SPIN1: variants seen among roughly 807,000 people sequenced by gnomAD.
The protein encoded by SPIN1 is spindlin-1.
SPIN1 carries 3 observed loss-of-function variants against 26.0 expected under a neutral mutation model. The ratio of observed to expected loss-of-function variants is 0.12; its 90% CI spans 0.05 to 0.30. The LOEUF (loss-of-function observed/expected upper bound fraction) is 0.30. Ranked by LOEUF, SPIN1 falls within the 10% of genes least tolerant of loss-of-function variation. The pLI is 1.00. For synonymous variants in SPIN1, 101 were observed against 116.5 expected (o/e 0.87, Z 0.86); for missense variants, 126 against 333.4 (o/e 0.38, Z 4.84).
At chr9:88,474,946 T>C in intron 5 of SPIN1, 132 bp from the exon 6 acceptor site, 1 of 856,242 alleles carries the variant, frequency 1.2e-6, no homozygotes, top group East Asian at 2.8e-5. Context: ...CTGGTCTAGA[T>C]AATCATGAAT....
At chr9:88,418,999 T>C (rs540451076) in intron 1 of SPIN1, 3 of 152,318 alleles carry the variant, frequency 2.0e-5, no homozygotes, top group East Asian at 1.9e-4. Context: ...TGCAATAGAA[T>C]GAGAATTTTG....
chr9:88,393,758 T>C (rs1243752827), intron 1 of SPIN1, among the ~76,000 whole-genome samples: 1 of 151,904 alleles, frequency 6.6e-6, no homozygotes, highest in East Asian at 1.9e-4. Context: ...CCAGAGCTGA[T>C]TTTTTTTGGA....
intron 2 of SPIN1, among the ~76,000 whole-genome samples, chr9:88,438,216 A>G (rs1828046709): frequency 6.6e-6 from 1 of 152,010 alleles, no homozygotes; most frequent in Non-Finnish European, 1.5e-5. Flanking sequence ...TTTCTCTGTA[A>G]GCACTGCTTT....
chr9:88,421,968 A>G (rs1366372386), intron 1 of SPIN1, among the ~76,000 whole-genome samples: 1 of 152,162 alleles, frequency 6.6e-6, no homozygotes. Context: ...GTCATATCAC[A>G]TTAAGAAGTG....
chr9:88,392,755 T>C lies in SPIN1; in HGVS notation c.-159+4217T>C, dbSNP rs374348758. 4.6e-5 allele frequency among the ~76,000 whole-genome samples: 7 copies of C among 152,248 alleles called. No homozygotes were observed. In the East Asian group the frequency reaches 5.8e-4, roughly 13 times the overall value. On this transcript the variant is annotated intron_variant, in intron 1 of 5. Coordinates refer to ENST00000375859, the MANE Select transcript of SPIN1 (RefSeq NM_006717.3). ...CTACCTCATCAGGGGTGAGCTTAAATGAAGTAAAATGTTTCATAGGCTCCT... is the reference window on the plus strand; with the variant it reads ...CTACCTCATCAGGGGTGAGCTTAAACGAAGTAAAATGTTTCATAGGCTCCT...
intron 5 of SPIN1, among the ~76,000 whole-genome samples, chr9:88,472,232 GT>G (rs1383029259): frequency 6.6e-6 from 1 of 152,164 alleles, no homozygotes; most frequent in Non-Finnish European, 1.5e-5. Context: ...TTGTAGATCA[GT>G]TTTGAAGAGT....
At chr9:88,411,377 C>CTCT in intron 1 of SPIN1, 2 of 1,587,344 alleles carry the variant, frequency 1.3e-6, no homozygotes, top group Admixed American at 1.7e-5. Flanking sequence ...GCTCCTCAGG[C>CTCT]TCTCATCGGT....
intron 1 of SPIN1, among the ~76,000 whole-genome samples, chr9:88,417,233 AAGTT>A (rs1827585216): frequency 2.0e-5 from 3 of 152,112 alleles, no homozygotes; most frequent in South Asian, 4.1e-4. Flanking sequence ...AATCCCCACT[AAGTT>A]AGAAAGGAGA....
chr9:88,408,338 C>T (rs1298198918), intron 1 of SPIN1, among the ~76,000 whole-genome samples: 1 of 148,242 alleles, frequency 6.7e-6, no homozygotes, highest in Non-Finnish European at 1.5e-5. Context: ...ATGCTTCATC[C>T]TGGATATTTT....
At chr9:88,416,176 C>G (rs1827560254) in intron 1 of SPIN1, among the ~76,000 whole-genome samples, 2 of 152,140 alleles carry the variant, frequency 1.3e-5, no homozygotes, top group South Asian at 4.1e-4. Flanking sequence ...TGTTGTGAAA[C>G]ATTTCTAACA....
At chr9:88,404,830 C>T (rs1040807495) in intron 1 of SPIN1, among the ~76,000 whole-genome samples, 4 of 150,978 alleles carry the variant, frequency 2.6e-5, no homozygotes, top group South Asian at 4.2e-4. Context: ...GCAGGAGAAT[C>T]GCTTGAACCC....
chr9:88,405,037 T>C lies in SPIN1; in HGVS notation c.-159+16499T>C, dbSNP rs1462639517. Among the ~76,000 whole-genome samples the C allele has an allele frequency of 5.3e-5, 8 of 152,126 alleles. No homozygotes were observed. In the East Asian group the frequency reaches 1.5e-3, roughly 29 times the overall value. On this transcript the variant is annotated intron_variant, in intron 1 of 5. Transcript: ENST00000375859. ...AGGTGCAATAACACATATGGAGTTG[T>C]CATCTATGATAACAGTACTTTCTTC...
chr9:88,389,424 A>G lies in SPIN1; in HGVS notation c.-159+886A>G, dbSNP rs1175365522. The G allele has an allele frequency of 3.9e-5, 6 of 152,352 alleles. No individual in the cohort carries two copies. The East Asian group carries it at 1.2e-3, about 29-fold the overall frequency. 9.4% of individuals were successfully genotyped at this position (152,352 alleles called of 1,614,324 possible). Reference sequence around the variant, plus strand: ...GATTTTACAGAGGTTCGTTTTGAGTAATGGCTTCAGTAATGTCATCGTATA... The same window carrying G: ...GATTTTACAGAGGTTCGTTTTGAGTGATGGCTTCAGTAATGTCATCGTATA... On this transcript the variant is annotated intron_variant, in intron 1 of 5. Transcript: ENST00000375859.
chr9:88,426,651 A>G lies in SPIN1; in HGVS notation c.52+60A>G, dbSNP rs542073947. On this transcript the variant is annotated intron_variant, in intron 2 of 5. Transcript: ENST00000375859. Reference sequence around the variant, plus strand: ...TACTTTAATATAATTCATTTCAAACAAGTGTAAAATTGGGTACTTTCACAT... The same window carrying G: ...TACTTTAATATAATTCATTTCAAACGAGTGTAAAATTGGGTACTTTCACAT... 340 of 1,478,940 alleles carry G rather than the reference A, an allele frequency of 2.3e-4. 1 individual carries two copies. The African/African-American group carries it at 4.4e-3, about 19-fold the overall frequency. 91.6% of individuals were successfully genotyped at this position (1,478,940 alleles called of 1,614,324 possible). A position where few individuals can be genotyped will look rare whatever the true frequency, so the allele number is the denominator to read the frequency against.
At chr9:88,440,538 CTTTT>C (rs1828099111) in intron 2 of SPIN1, among the ~76,000 whole-genome samples, 1 of 151,998 alleles carries the variant, frequency 6.6e-6, no homozygotes. Context: ...TACTTTCTTT[CTTTT>C]CTTTCTCTGT....
chr9:88,460,219 ATCTCTTAATTCTTTT>A lies in SPIN1; in HGVS notation c.102-2275_102-2261del, dbSNP rs1828551988. Among the ~76,000 whole-genome samples the A allele has an allele frequency of 3.3e-5, 5 of 152,008 alleles. No homozygotes were observed. The South Asian group carries it at 1.0e-3, about 32-fold the overall frequency. On this transcript the variant is annotated intron_variant, in intron 3 of 5. Transcript: ENST00000375859. Reference sequence around the variant, plus strand: ...CACAGAAGTTGGAATATTTGTTACCATCTCTTAATTCTTTTTACTTTTGTCCCCGTCTGTCCCCTT... The same window carrying A: ...CACAGAAGTTGGAATATTTGTTACCATACTTTTGTCCCCGTCTGTCCCCTT...
chr9:88,459,408 C>T (rs1406396902), intron 3 of SPIN1, among the ~76,000 whole-genome samples: 5 of 152,052 alleles, frequency 3.3e-5, no homozygotes, highest in African/African-American at 1.2e-4. Context: ...CTTTCTTCTA[C>T]CTCTGAGTAG....
intron 1 of SPIN1, among the ~76,000 whole-genome samples, chr9:88,408,114 AGT>A (rs1423846639): frequency 2.0e-5 from 3 of 150,492 alleles, no homozygotes; most frequent in Non-Finnish European, 4.4e-5. Flanking sequence ...TTCTGCCTTT[AGT>A]TTTCAACAGT....
At chr9:88,413,278 A>C (rs1827492714) in intron 1 of SPIN1, among the ~76,000 whole-genome samples, 1 of 151,322 alleles carries the variant, frequency 6.6e-6, no homozygotes, top group African/African-American at 2.4e-5. Flanking sequence ...GGCTGGTCTC[A>C]AACTCCTGAC....
Sources: gnomAD v4.1 joint callset for allele counts (sites outside exome capture counted in the v4.1 genomes callset) on GRCh38, gnomAD v4.1.1 for gene constraint, MANE v1.5 for transcripts, NCBI Gene and HGNC (gene_info 2026-07-23, HGNC 2026-07-21) for gene names.